The following ZNF385B variants were observed in gnomAD, a reference collection of about 807,000 sequenced individuals.
ZNF385B encodes zinc finger protein 385B, also known as zinc finger protein 533.
A neutral mutation model predicts 39.2 loss-of-function variants in ZNF385B; 23 were observed. That is an observed-to-expected ratio of 0.59 (90% CI 0.42 to 0.83). ZNF385B has a LOEUF of 0.83. Among genes scored for constraint, ZNF385B ranks in the 40% least tolerant of loss-of-function variants. The pLI, the probability that ZNF385B is intolerant of heterozygous loss-of-function variation, is 0.00. For missense variants in ZNF385B, 552 were observed against 598.9 expected, an observed-to-expected ratio of 0.92 and a Z score of 0.82; for synonymous variants, 205 against 222.6, an observed-to-expected ratio of 0.92 and a Z score of 0.70.
intron 1 of ZNF385B, among the ~76,000 whole-genome samples, chr2:179,844,240 T>C (rs142762579): frequency 3.1e-3 from 470 of 152,342 alleles, no homozygotes; most frequent in Non-Finnish European, 5.0e-3. Flanking sequence ...TCTTGACCTA[T>C]TTCTTCATCT....
At chr2:179,761,208 T>C (rs1703364568) in intron 3 of ZNF385B, among the ~76,000 whole-genome samples, 1 of 152,204 alleles carries the variant, frequency 6.6e-6, no homozygotes, top group African/African-American at 2.4e-5. Flanking sequence ...TTTTAGCTAG[T>C]AGCTAAACTA....
intron 3 of ZNF385B, among the ~76,000 whole-genome samples, chr2:179,577,461 C>T (rs9288040): frequency 0.08 from 12,214 of 151,982 alleles, 568 homozygotes; most frequent in Middle Eastern, 0.18. Context: ...TTCTGTAAGA[C>T]CCATTATTGT....
At chr2:179,597,117 T>G (rs539098819) in intron 3 of ZNF385B, among the ~76,000 whole-genome samples, 2 of 152,320 alleles carry the variant, frequency 1.3e-5, no homozygotes, top group East Asian at 3.9e-4. Context: ...ACTAAGTCTG[T>G]TCAAAGCAAT....
At chr2:179,483,532 C>T (rs994248794) in intron 5 of ZNF385B, 98 bp from the exon 6 acceptor site, 1 of 1,486,450 alleles carries the variant, frequency 6.7e-7, no homozygotes, top group East Asian at 2.3e-5. Context: ...ATAGGCACCA[C>T]AGACATTTAC....
At chr2:179,592,141 T>A (rs1687617262) in intron 3 of ZNF385B, among the ~76,000 whole-genome samples, 1 of 152,176 alleles carries the variant, frequency 6.6e-6, no homozygotes, top group Non-Finnish European at 1.5e-5. Flanking sequence ...ATCTCAAGAC[T>A]GGCAGATTCT....
intron 3 of ZNF385B, chr2:179,562,451 G>A (rs571034207): frequency 8.2e-5 from 81 of 985,378 alleles, no homozygotes; most frequent in South Asian, 7.0e-4. Flanking sequence ...AGCACTGTAC[G>A]AGATGTTACA....
chr2:179,822,136 C>G (rs1227170848), intron 1 of ZNF385B, among the ~76,000 whole-genome samples: 1 of 152,148 alleles, frequency 6.6e-6, no homozygotes, highest in Non-Finnish European at 1.5e-5. Flanking sequence ...TCCTAAAATA[C>G]AAATTTTATT....
At chr2:179,760,458 A>T (rs1209963203) in intron 3 of ZNF385B, among the ~76,000 whole-genome samples, 2 of 151,990 alleles carry the variant, frequency 1.3e-5, no homozygotes, top group East Asian at 3.9e-4. Flanking sequence ...GGCTTTTTCC[A>T]CTCAGTATAA....
chr2:179,807,850 A>C (rs976767610), intron 1 of ZNF385B, among the ~76,000 whole-genome samples: 4 of 148,086 alleles, frequency 2.7e-5, no homozygotes, highest in Admixed American at 6.8e-5. Context: ...AGCTGAGATC[A>C]CGCCACTGCA....
chr2:179,508,039 T>C (rs2057383060), intron 5 of ZNF385B, among the ~76,000 whole-genome samples: 1 of 152,204 alleles, frequency 6.6e-6, no homozygotes, highest in East Asian at 1.9e-4. Context: ...CAGAATGTTC[T>C]AAACGGTATT....
intron 5 of ZNF385B, among the ~76,000 whole-genome samples, chr2:179,495,776 C>T (rs6709107): frequency 0.084 from 12,727 of 152,252 alleles, 637 homozygotes; most frequent in Non-Finnish European, 0.11. Context: ...TATGAGTCTG[C>T]AAGCACTGCA....
intron 1 of ZNF385B, among the ~76,000 whole-genome samples, chr2:179,810,798 A>G (rs1264332486): frequency 6.6e-6 from 1 of 152,124 alleles, no homozygotes; most frequent in Non-Finnish European, 1.5e-5. Context: ...TTTGGAAATA[A>G]CAAGATAGTG....
intron 3 of ZNF385B, among the ~76,000 whole-genome samples, chr2:179,561,532 C>T (rs2061335182): frequency 6.6e-6 from 1 of 151,248 alleles, no homozygotes; most frequent in African/African-American, 2.4e-5. Context: ...CCACTGGAGA[C>T]TATGAGATAA....
intron 1 of ZNF385B, among the ~76,000 whole-genome samples, chr2:179,791,167 T>C (rs1233468371): frequency 6.6e-6 from 1 of 152,192 alleles, no homozygotes; most frequent in Non-Finnish European, 1.5e-5. Flanking sequence ...CCAGGATGAT[T>C]CCGATCTACA....
chr2:179,549,680 T>C (rs912002690), intron 3 of ZNF385B, among the ~76,000 whole-genome samples: 6 of 149,552 alleles, frequency 4.0e-5, no homozygotes, highest in Non-Finnish European at 8.9e-5. Context: ...TTCAAATCGT[T>C]CCAGAACATT....
chr2:179,449,603 GA>G, intron 6 of ZNF385B, among the ~76,000 whole-genome samples: 1 of 152,052 alleles, frequency 6.6e-6, no homozygotes, highest in Non-Finnish European at 1.5e-5. Context: ...AATAAAAGAG[GA>G]TACAAACAAA....
chr2:179,583,117 G>A (rs543820752), intron 3 of ZNF385B, among the ~76,000 whole-genome samples: 1 of 152,216 alleles, frequency 6.6e-6, no homozygotes, highest in Admixed American at 6.5e-5. Flanking sequence ...TTCAAAGAGA[G>A]GAGGCATGAC....
chr2:179,668,783 T>C (rs1417010094), intron 3 of ZNF385B, among the ~76,000 whole-genome samples: 1 of 152,212 alleles, frequency 6.6e-6, no homozygotes, highest in Non-Finnish European at 1.5e-5. Context: ...ATCATAGTTT[T>C]AATTCTAAAG....
At position 179,597,610 on chromosome 2, in the gene ZNF385B, C is replaced by T. The variant is rs191556576; in HGVS notation, c.299-52641G>A. 2.5e-3 allele frequency among the ~76,000 whole-genome samples: 377 copies of T among 152,278 alleles called. 3 individuals carry two copies. The highest frequency in any genetic ancestry group is 8.5e-3 in the African/African-American group (355 of 41,564). ...AGTCACTCCATCTGAGCTTTTCACA[C>T]GACATACGCACAGATATCTTTGTGC... On this transcript the variant is annotated intron_variant, in intron 3 of 9. Coordinates refer to ENST00000410066, the MANE Select transcript of ZNF385B (RefSeq NM_152520.6).
Sources: allele counts gnomAD v4.1 joint callset (sites outside exome capture counted in the v4.1 genomes callset), GRCh38; gene constraint gnomAD v4.1.1; transcripts MANE v1.5; gene names NCBI Gene and HGNC (gene_info 2026-07-23, HGNC 2026-07-21).